CTTN: variants seen among roughly 807,000 people sequenced by gnomAD.
CTTN encodes cortactin.
In CTTN, 28 loss-of-function variants were observed where a neutral mutation model predicts 84.0. The ratio of observed to expected loss-of-function variants is 0.33; its 90% CI spans 0.25 to 0.46. The LOEUF is 0.46. Among genes scored for constraint, CTTN ranks in the 20% least tolerant of loss-of-function variants. The pLI is 1.00. For synonymous variants in CTTN, 301 were observed against 288.8 expected, an observed-to-expected ratio of 1.04 and a Z score of -0.43; for missense variants, 641 against 723.8, an observed-to-expected ratio of 0.89 and a Z score of 1.31.
chr11:70,428,973 C>A, intron 13 of CTTN, 78 bp from the exon 14 acceptor site: 2 of 1,557,532 alleles, frequency 1.3e-6, no homozygotes, highest in Non-Finnish European at 1.8e-6. Flanking sequence ...GGAGGTCACT[C>A]TGTGTGGGTG....
chr11:70,429,018 T>C (rs756541451), intron 13 of CTTN, 33 bp from the exon 14 acceptor site: 2 of 1,612,972 alleles, frequency 1.2e-6, no homozygotes, highest in Non-Finnish European at 1.7e-6. Context: ...TTTGCTGTGC[T>C]CAAGGCACAC....
At chr11:70,429,562 C>A (rs950007314) in intron 14 of CTTN, among the ~76,000 whole-genome samples, 1 of 152,158 alleles carries the variant, frequency 6.6e-6, no homozygotes, top group Non-Finnish European at 1.5e-5. Flanking sequence ...ACCCCTCCCC[C>A]TCTGGAAGCC....
In CTTN at chr11:70,435,831, C is replaced by T. The variant is rs1012014392; in HGVS notation, c.*669C>T. The stretch of plus-strand genomic sequence containing the variant: ...ACCCATCCCCTGATGCCCAGGTCAC[C>T]GGGAGGGCTGCTGGGAGCCTCTCCT... On this transcript the variant is annotated 3_prime_UTR_variant, in exon 18 of 18. Transcript: ENST00000301843. 5.9e-5 allele frequency: 91 copies of T among 1,538,012 alleles called. No homozygotes were observed. The highest frequency in any genetic ancestry group is 2.3e-4 in the Middle Eastern group (1 of 4,348).
At chr11:70,433,585 G>A in intron 16 of CTTN, 62 bp from the exon 17 acceptor site, 1 of 1,279,726 alleles carries the variant, frequency 7.8e-7, no homozygotes, top group Non-Finnish European at 1.1e-6. Context: ...TCTAAAACTT[G>A]AGAAGGCTGG....
At chr11:70,423,125 T>C (rs1007713896) in intron 12 of CTTN, 130 bp downstream of exon 12, 1 of 1,124,466 alleles carries the variant, frequency 8.9e-7, no homozygotes, top group East Asian at 2.5e-5. Flanking sequence ...GTGGTGGTGG[T>C]GGTGGCGATG....
At chr11:70,428,946 G>A in intron 13 of CTTN, 105 bp from the exon 14 acceptor site, 2 of 1,386,132 alleles carry the variant, frequency 1.4e-6, no homozygotes, top group South Asian at 1.3e-5. Context: ...GGGGTTAGGG[G>A]GATGACCGGT....
chr11:70,433,359 G>A (rs11825631), intron 16 of CTTN, 81 bp downstream of exon 16: 6 of 1,397,720 alleles, frequency 4.3e-6, no homozygotes, highest in Admixed American at 5.2e-5. Context: ...GCGTCGTTGC[G>A]AGGAGCGTGG....
In CTTN at chr11:70,420,404, T is replaced by C. The variant is rs2135577436; in HGVS notation, c.684T>C (p.Tyr228=). ...KTEKHESQKD[Y]VKGFGGKFGV... The stretch of plus-strand genomic sequence containing the variant: ...GGCCTTTCATTGTGCATGTAGACTA[T>C]GTGAAAGGGTTTGGAGGAAAATTTG... Residue 228 remains tyrosine (Y), a synonymous_variant, in exon 10 of 18, where the codon TAT becomes TAC. Transcript: ENST00000301843. 1.2e-6 allele frequency: 2 copies of C among 1,611,816 alleles called. No individual in the cohort carries two copies. The highest frequency in any genetic ancestry group is 1.7e-6 in the Non-Finnish European group (2 of 1,177,844).
At chr11:70,410,848 A>G (rs1249422928) in intron 5 of CTTN, among the ~76,000 whole-genome samples, 3 of 152,108 alleles carry the variant, frequency 2.0e-5, no homozygotes, top group East Asian at 3.9e-4. Context: ...CTCCCACCTC[A>G]TGCACCAGCC....
chr11:70,407,098 G>A (rs1453937628), intron 2 of CTTN, among the ~76,000 whole-genome samples, 200 bp from the exon 3 acceptor site: 1 of 152,224 alleles, frequency 6.6e-6, no homozygotes, highest in Admixed American at 6.5e-5. Flanking sequence ...GGTGACGGCA[G>A]TGTTAGAACC....
intron 5 of CTTN, chr11:70,410,266 T>C: frequency 3.5e-6 from 1 of 286,702 alleles, no homozygotes; most frequent in South Asian, 5.8e-5. Flanking sequence ...ATCCTGGCTC[T>C]AGGTGTCATC....
At chr11:70,428,934 T>G in intron 13 of CTTN, 117 bp from the exon 14 acceptor site, 7 of 1,259,594 alleles carry the variant, frequency 5.6e-6, no homozygotes, top group South Asian at 1.3e-5. Context: ...TTTCCCTCCT[T>G]GGGGGTTAGG....
intron 13 of CTTN, among the ~76,000 whole-genome samples, chr11:70,428,564 TC>T: frequency 6.6e-6 from 1 of 152,088 alleles, no homozygotes; most frequent in East Asian, 1.9e-4. Context: ...ATCTCAGTCT[TC>T]CCGTCTCAAC....
chr11:70,416,912 T>C, intron 7 of CTTN, 101 bp from the exon 8 acceptor site: 2 of 815,906 alleles, frequency 2.5e-6, no homozygotes, highest in Non-Finnish European at 2.2e-6. Flanking sequence ...GCTTGATGTG[T>C]TTGTGAGTTG....
chr11:70,429,042 C>T lies in CTTN; in HGVS notation c.1028-9C>T, dbSNP rs371694605. 3.0e-5 allele frequency: 49 copies of T among 1,614,042 alleles called. No homozygotes were observed. The highest frequency in any genetic ancestry group is 5.5e-5 in the South Asian group (5 of 91,076). Reference sequence around the variant, plus strand: ...CTCAAGGCACACGTCCTCCCTCCTTCCTCTATAGTGACCAGCAAAACAAGT... The same window carrying T: ...CTCAAGGCACACGTCCTCCCTCCTTTCTCTATAGTGACCAGCAAAACAAGT... On this transcript the variant is annotated splice_polypyrimidine_tract_variant and intron_variant, in intron 13 of 17. Transcript: ENST00000301843.
intron 17 of CTTN, among the ~76,000 whole-genome samples, chr11:70,434,609 T>C (rs2058393989): frequency 6.6e-6 from 1 of 152,242 alleles, no homozygotes; most frequent in Non-Finnish European, 1.5e-5. Flanking sequence ...TGCCCTCCAT[T>C]CCCATTTCAG....
intron 10 of CTTN, 76 bp from the exon 11 acceptor site, chr11:70,421,393 CG>C (rs1318627755): frequency 7.9e-6 from 8 of 1,017,734 alleles, no homozygotes; most frequent in Non-Finnish European, 1.2e-5. Flanking sequence ...TTGATTTTTG[CG>C]CATGCTCATG....
intron 7 of CTTN, 92 bp downstream of exon 7, chr11:70,415,809 G>A (rs971050649): frequency 4.7e-6 from 6 of 1,282,992 alleles, no homozygotes; most frequent in Non-Finnish European, 6.8e-6. Flanking sequence ...CGCTCCGGGG[G>A]CCCTGATGGG....
intron 13 of CTTN, among the ~76,000 whole-genome samples, chr11:70,428,234 C>T (rs753260828): frequency 7.9e-5 from 11 of 140,070 alleles, no homozygotes; most frequent in South Asian, 2.4e-4. Flanking sequence ...GGCACAATCT[C>T]GGCTCACTGC....
Sources: allele counts gnomAD v4.1 joint callset (sites outside exome capture counted in the v4.1 genomes callset), GRCh38; gene constraint gnomAD v4.1.1; transcripts MANE v1.5; gene names NCBI Gene and HGNC (gene_info 2026-07-23, HGNC 2026-07-21).